Variants in LPIN1 observed in about 807,000 individuals in gnomAD.
LPIN1 encodes lipin 1.
LPIN1 carries 71 observed loss-of-function variants against 107.5 expected under a neutral mutation model. That is an observed-to-expected ratio of 0.66 (90% CI 0.55 to 0.80). LPIN1 has a LOEUF of 0.80. Ranked by LOEUF, LPIN1 falls within the 30% of genes least tolerant of loss-of-function variation. The pLI, the probability that LPIN1 is intolerant of heterozygous loss-of-function variation, is 0.00. For synonymous variants in LPIN1, 445 were observed against 452.6 expected (o/e 0.98, Z 0.21); for missense variants, 1,043 against 1,160.6 (o/e 0.90, Z 1.47).
At chr2:11,785,233 C>T (rs1046237811) in intron 10 of LPIN1, among the ~76,000 whole-genome samples, 157 bp downstream of exon 10, 1 of 152,238 alleles carries the variant, frequency 6.6e-6, no homozygotes, top group Non-Finnish European at 1.5e-5. Flanking sequence ...CCCGATGTTT[C>T]TGGCTTGCAG....
At chr2:11,682,270 CCA>C (rs996435213) in intron 1 of LPIN1, 19 of 152,474 alleles carry the variant, frequency 1.2e-4, no homozygotes, top group African/African-American at 4.3e-4. Context: ...GGAAACCCAA[CCA>C]CAGTGTCTGA....
At chr2:11,820,314 A>G in intron 19 of LPIN1, 97 bp from the exon 20 acceptor site, 4 of 800,838 alleles carry the variant, frequency 5.0e-6, no homozygotes, top group Non-Finnish European at 8.7e-6. Context: ...CTGGTTAATG[A>G]AAATTTGATA....
intron 16 of LPIN1, 77 bp from the exon 17 acceptor site, chr2:11,804,993 T>TA: frequency 1.1e-6 from 1 of 881,564 alleles, no homozygotes; most frequent in Non-Finnish European, 1.8e-6. Flanking sequence ...TTTTTTTTTT[T>TA]TTTTTATGAG....
chr2:11,777,090 T>C (rs1162962554), intron 6 of LPIN1: 1 of 152,204 alleles, frequency 6.6e-6, no homozygotes, highest in Non-Finnish European at 1.5e-5. Context: ...TCATTGACCT[T>C]GTAAGCTTAC....
chr2:11,693,575 C>T (rs535286344), intron 1 of LPIN1, among the ~76,000 whole-genome samples: 2 of 151,956 alleles, frequency 1.3e-5, no homozygotes, highest in African/African-American at 4.8e-5. Context: ...TTGTTTATAT[C>T]TGAAACTATC....
chr2:11,814,912 A>T (rs1417594411), intron 17 of LPIN1, among the ~76,000 whole-genome samples, 176 bp from the exon 18 acceptor site: 1 of 152,198 alleles, frequency 6.6e-6, no homozygotes, highest in Non-Finnish European at 1.5e-5. Flanking sequence ...TTACAGTGAA[A>T]TGTATTTAAG....
At chr2:11,787,466 T>A (rs908705437) in intron 11 of LPIN1, among the ~76,000 whole-genome samples, 1 of 147,626 alleles carries the variant, frequency 6.8e-6, no homozygotes, top group African/African-American at 2.5e-5. Context: ...AGTGGTGCAG[T>A]TGTAGCTCAC....
chr2:11,694,995 C>T (rs1378442957), intron 1 of LPIN1, among the ~76,000 whole-genome samples: 1 of 152,156 alleles, frequency 6.6e-6, no homozygotes, highest in Non-Finnish European at 1.5e-5. Context: ...TTTGGTGCTC[C>T]TGCCCATGAA....
chr2:11,727,319 T>C (rs1336730238), intron 1 of LPIN1, among the ~76,000 whole-genome samples: 1 of 152,256 alleles, frequency 6.6e-6, no homozygotes, highest in Non-Finnish European at 1.5e-5. Context: ...TATGGATTTA[T>C]ATATCTTAAA....
At chr2:11,757,620 AG>A (rs1445780250) in intron 1 of LPIN1, among the ~76,000 whole-genome samples, 2 of 152,180 alleles carry the variant, frequency 1.3e-5, no homozygotes, top group Admixed American at 1.3e-4. Context: ...TCCAGGCAAC[AG>A]GTGCCTGGGG....
chr2:11,799,652 A>G (rs1412390119), intron 14 of LPIN1, among the ~76,000 whole-genome samples: 2 of 152,010 alleles, frequency 1.3e-5, no homozygotes, highest in Non-Finnish European at 2.9e-5. Flanking sequence ...GAGCCCACTG[A>G]GGCCCAGGGA....
intron 4 of LPIN1, among the ~76,000 whole-genome samples, chr2:11,773,315 G>A (rs554513521): frequency 6.6e-6 from 1 of 152,350 alleles, no homozygotes; most frequent in East Asian, 1.9e-4. Context: ...ACATGACCGT[G>A]TAGGGTAGCA....
chr2:11,770,249 G>C (rs904320379), intron 3 of LPIN1, among the ~76,000 whole-genome samples: 2 of 152,212 alleles, frequency 1.3e-5, no homozygotes, highest in Non-Finnish European at 1.5e-5. Flanking sequence ...GGTCTTGCTG[G>C]CCTGACAGGG....
At chr2:11,723,653 T>G (rs1298639813), upstream of LPIN1, 1 of 151,646 alleles carries the variant, frequency 6.6e-6, no homozygotes, top group South Asian at 2.1e-4. Context: ...CGAGACTCCC[T>G]CTGAAAAAAA....
At chr2:11,712,596 A>C (rs184078301) in intron 1 of LPIN1, among the ~76,000 whole-genome samples, 28 of 152,304 alleles carry the variant, frequency 1.8e-4, no homozygotes, top group Middle Eastern at 3.4e-3. Flanking sequence ...ACCATTAACT[A>C]ACAGTCAGTC....
chr2:11,707,303 A>C lies in LPIN1; in HGVS notation c.82-6453A>C, dbSNP rs56266446. 0.022 allele frequency among the ~76,000 whole-genome samples: 3,337 copies of C among 152,280 alleles called. 129 individuals are homozygous for C. The highest frequency in any genetic ancestry group is 0.076 in the African/African-American group (3,145 of 41,548). On this transcript the variant is annotated intron_variant, in intron 1 of 21. Transcript: ENST00000449576. This position sits in a 1 kb window ranked among gnomAD's most constrained non-coding sequence, Gnocchi z 4.2. ...GTCACTGGAACAGAGACCAGCATGA[A>C]GTGAGAGAAGGAGGCTTAGGGAGAA...
At position 11,822,277 on chromosome 2, in the gene LPIN1, CAAA is replaced by C. The variant is rs751514674; in HGVS notation, c.2621+1785_2621+1787del. Among the ~76,000 whole-genome samples the C allele has an allele frequency of 9.4e-3, 742 of 78,872 alleles. 5 individuals carry two copies. The highest frequency in any genetic ancestry group is 0.034 in the African/African-American group (696 of 20,762). 51.7% of individuals were successfully genotyped at this position (78,872 alleles called of 152,430 possible). ...GAAACCCTGTCTCTACTAGAAATGCCAAAAAAAAAAAAAAAAAAAAAAAATTAG... is the reference window on the plus strand; with the variant it reads ...GAAACCCTGTCTCTACTAGAAATGCCAAAAAAAAAAAAAAAAAAAAATTAG... On this transcript the variant is annotated intron_variant, in intron 20 of 20. Coordinates refer to ENST00000674199, the MANE Select transcript of LPIN1 (RefSeq NM_001349206.2).
rs1675194657 is a variant in LPIN1 at position 11,789,140 on chromosome 2, A to G, written c.1713+684A>G. ...CAGAGACTGCCTTAGGCTTGTTTGT[A>G]TCCTTTGTGCGCTTAGCAAGCTTTT... On this transcript the variant is annotated intron_variant, in intron 12 of 20. Coordinates refer to ENST00000674199, the MANE Select transcript of LPIN1 (RefSeq NM_001349206.2). Among the ~76,000 whole-genome samples the G allele has an allele frequency of 2.0e-5, 3 of 152,320 alleles. No individual in the cohort carries two copies. In the South Asian group the frequency reaches 6.2e-4, roughly 32 times the overall value.
At chr2:11,718,647 G>A (rs1663911974) in intron 2 of LPIN1, among the ~76,000 whole-genome samples, 1 of 152,216 alleles carries the variant, frequency 6.6e-6, no homozygotes, top group African/African-American at 2.4e-5. Context: ...TTACCTTCTA[G>A]CAGCAAATGT....
Sources: allele counts gnomAD v4.1 joint callset (sites outside exome capture counted in the v4.1 genomes callset), GRCh38; gene constraint gnomAD v4.1.1; non-coding constraint Gnocchi (gnomAD v3.1); transcripts MANE v1.5; gene names NCBI Gene and HGNC (gene_info 2026-07-23, HGNC 2026-07-21).